The following CFAP53 variants were observed in gnomAD, a reference collection of about 807,000 sequenced individuals.
The protein encoded by CFAP53 is cilia and flagella associated protein 53.
In CFAP53, 62 loss-of-function variants were observed where a neutral mutation model predicts 59.7. That is an observed-to-expected ratio of 1.04 (90% CI 0.85 to 1.28). CFAP53 has a LOEUF of 1.28. Among genes scored for constraint, CFAP53 ranks in the 50% most tolerant of loss-of-function variants. The probability of loss-of-function intolerance (pLI) is 0.00; values close to 1 mark genes in which losing one functional copy is unlikely to be tolerated. For synonymous variants in CFAP53, 218 were observed against 205.7 expected (o/e 1.06, Z -0.51); for missense variants, 629 against 615.6 (o/e 1.02, Z -0.23).
intron 1 of CFAP53, among the ~76,000 whole-genome samples, chr18:50,265,167 C>A (rs150555448): frequency 6.6e-6 from 1 of 152,174 alleles, no homozygotes; most frequent in African/African-American, 2.4e-5. Flanking sequence ...AAGTTGAGCA[C>A]CCCTAATTTG....
intron 5 of CFAP53, among the ~76,000 whole-genome samples, chr18:50,247,042 T>TA (rs760218280): frequency 9.9e-4 from 136 of 137,944 alleles, no homozygotes; most frequent in African/African-American, 2.1e-3. Flanking sequence ...GAGTGAGATT[T>TA]AAAAAAAAAA....
At chr18:50,247,156 T>C (rs755325837) in intron 5 of CFAP53, among the ~76,000 whole-genome samples, 10 of 151,718 alleles carry the variant, frequency 6.6e-5, no homozygotes, top group Non-Finnish European at 1.2e-4. Flanking sequence ...AGCCTTCAAA[T>C]AGACTTCTCC....
chr18:50,253,736 A>G (rs908278137), intron 3 of CFAP53, among the ~76,000 whole-genome samples: 2 of 152,218 alleles, frequency 1.3e-5, no homozygotes, highest in African/African-American at 4.8e-5. Flanking sequence ...TGTCCATTTC[A>G]TATGTGGTAG....
Position 50,242,994 on chromosome 18 carries a change from A to T in CFAP53, c.1119T>A (p.Ala373=), listed in dbSNP as rs768019544. 2 of 1,614,034 alleles carry T rather than the reference A, an allele frequency of 1.2e-6. No homozygotes were observed. The highest frequency in any genetic ancestry group is 2.2e-5 in the South Asian group (2 of 91,084). ...ILEEDKAKKL[A]EKDKELRLEK... Reference sequence around the variant, plus strand: ...CAAGTCTCAGCTCCTTGTCCTTCTCAGCCAACTTCTTTGCCTTGTCTTCCT... The same window carrying T: ...CAAGTCTCAGCTCCTTGTCCTTCTCTGCCAACTTCTTTGCCTTGTCTTCCT... The change falls in exon 6 of 8, where the codon GCT becomes GCA. Residue 373 remains alanine, a synonymous_variant. Transcript: ENST00000398545.
In CFAP53 at chr18:50,251,461, C is replaced by A. The variant is rs2033798629; in HGVS notation, c.777+20G>T. ...ACCCATGGCGTTGATCACCCTCTAA[C>A]AAGCATTTTAAAGGCCCACCACAAG... On this transcript the variant is annotated intron_variant, in intron 4 of 7. Transcript: ENST00000398545. 1.2e-6 allele frequency: 2 copies of A among 1,602,290 alleles called. No individual in the cohort carries two copies. The highest frequency in any genetic ancestry group is 2.7e-5 in the African/African-American group (2 of 74,596).
At chr18:50,247,592 T>C (rs1157945594) in intron 5 of CFAP53, among the ~76,000 whole-genome samples, 1 of 152,214 alleles carries the variant, frequency 6.6e-6, no homozygotes, top group African/African-American at 2.4e-5. Flanking sequence ...ATAAACAAAA[T>C]GTGGCATATC....
intron 7 of CFAP53, among the ~76,000 whole-genome samples, chr18:50,235,860 C>A (rs2144404843): frequency 6.6e-6 from 1 of 152,296 alleles, no homozygotes; most frequent in Non-Finnish European, 1.5e-5. Context: ...CTAGGTCGGG[C>A]AAACTATACA....
intron 3 of CFAP53, among the ~76,000 whole-genome samples, chr18:50,256,855 C>T (rs914565845): frequency 1.3e-5 from 2 of 150,934 alleles, no homozygotes; most frequent in African/African-American, 4.9e-5. Context: ...CTCTTGTATT[C>T]CTTCTGTATT....
chr18:50,257,088 C>G (rs1233089565), intron 3 of CFAP53, among the ~76,000 whole-genome samples: 1 of 151,792 alleles, frequency 6.6e-6, no homozygotes, highest in Non-Finnish European at 1.5e-5. Flanking sequence ...CTGTAAAAAT[C>G]CCTTCTGAAT....
intron 7 of CFAP53, among the ~76,000 whole-genome samples, chr18:50,233,676 C>T (rs1398430797): frequency 6.6e-6 from 1 of 152,222 alleles, no homozygotes; most frequent in African/African-American, 2.4e-5. Context: ...CGGCTATTGC[C>T]TCCATGGCTG....
intron 7 of CFAP53, among the ~76,000 whole-genome samples, chr18:50,229,592 A>G (rs959352094): frequency 1.3e-5 from 2 of 152,168 alleles, no homozygotes; most frequent in Admixed American, 1.3e-4. Context: ...TTTTGGACAT[A>G]TACCCAGAAG....
chr18:50,247,371 T>C (rs1161449021), intron 5 of CFAP53, among the ~76,000 whole-genome samples: 1 of 152,206 alleles, frequency 6.6e-6, no homozygotes, highest in Non-Finnish European at 1.5e-5. Context: ...TGTAAAATGG[T>C]TCAGCCACTT....
chr18:50,233,594 T>C (rs1462692897), intron 7 of CFAP53, among the ~76,000 whole-genome samples: 1 of 152,262 alleles, frequency 6.6e-6, no homozygotes, highest in Non-Finnish European at 1.5e-5. Flanking sequence ...ACAGCCCTTC[T>C]TCTCGCCTGT....
chr18:50,256,598 C>A (rs1280936199), intron 3 of CFAP53: 1 of 152,182 alleles, frequency 6.6e-6, no homozygotes, highest in Non-Finnish European at 1.5e-5. Flanking sequence ...TTAGCAGCTG[C>A]ATCTGCAACT....
chr18:50,256,000 G>A (rs2033844112), intron 3 of CFAP53: 2 of 152,154 alleles, frequency 1.3e-5, no homozygotes. Context: ...CTATGCTGAG[G>A]AGTTGGCAGT....
intron 1 of CFAP53, 94 bp downstream of exon 1, chr18:50,266,242 G>A (rs1599138242): frequency 1.7e-6 from 2 of 1,201,392 alleles, no homozygotes; most frequent in Non-Finnish European, 1.2e-6. Context: ...CCCTCGAGAA[G>A]GCCCCGGGTG....
intron 1 of CFAP53, 141 bp from the exon 2 acceptor site, chr18:50,262,360 G>C: frequency 1.6e-6 from 1 of 641,150 alleles, no homozygotes; most frequent in Non-Finnish European, 2.7e-6. Context: ...ACTGAATACA[G>C]CTTATGCACC....
In CFAP53 at chr18:50,237,330, AT is replaced by A. The variant is rs1484512430; in HGVS notation, c.1316+1272del. Among the ~76,000 whole-genome samples the A allele has an allele frequency of 1.3e-3, 16 of 11,990 alleles. 2 individuals are homozygous for A. The highest frequency in any genetic ancestry group is 1.8e-3 in the African/African-American group (10 of 5,508). The allele number at this position is 11,990 out of a possible 152,430, so 7.9% of individuals were successfully genotyped here. The stretch of plus-strand genomic sequence containing the variant: ...AAAAAAAAAAAAAAAAAAAAAAAAA[AT>A]ATATATATATATATATATATACGCA... On this transcript the variant is annotated intron_variant, in intron 7 of 7. Transcript: ENST00000398545.
rs921757532 is a variant in CFAP53 at position 50,266,460 on chromosome 18, C to T, written c.-56G>A. Reference sequence around the variant, plus strand: ...TCCGCCGCGTTTCCCCCAACCGTGGCGACCTGCGGGACCCGCTTCCGCGAC... The same window carrying T: ...TCCGCCGCGTTTCCCCCAACCGTGGTGACCTGCGGGACCCGCTTCCGCGAC... On this transcript the variant is annotated 5_prime_UTR_variant, in exon 1 of 8. Coordinates refer to ENST00000398545, the MANE Select transcript of CFAP53 (RefSeq NM_145020.5). 38 of 1,561,126 alleles carry T rather than the reference C, an allele frequency of 2.4e-5. 1 individual carries two copies. In the Middle Eastern group the frequency reaches 5.0e-4, roughly 21 times the overall value.
Sources: gnomAD v4.1 joint callset for allele counts (sites outside exome capture counted in the v4.1 genomes callset) on GRCh38, gnomAD v4.1.1 for gene constraint, MANE v1.5 for transcripts, NCBI Gene and HGNC (gene_info 2026-07-23, HGNC 2026-07-21) for gene names.